Variants in ARHGAP5 observed in about 807,000 individuals in gnomAD.
The protein encoded by ARHGAP5 is Rho GTPase activating protein 5, also known as rho GTPase-activating protein 5.
ARHGAP5 carries 23 observed loss-of-function variants against 116.6 expected under a neutral mutation model. That is an observed-to-expected ratio of 0.20 (90% CI 0.14 to 0.28). ARHGAP5 has a LOEUF of 0.28. Among genes scored for constraint, ARHGAP5 ranks in the 10% least tolerant of loss-of-function variants. The probability of loss-of-function intolerance (pLI) is 1.00; values close to 1 mark genes in which losing one functional copy is unlikely to be tolerated. For synonymous variants in ARHGAP5, 574 were observed against 602.0 expected (o/e 0.95, Z 0.68); for missense variants, 1,405 against 1,774.8 (o/e 0.79, Z 3.74).
intron 1 of ARHGAP5, among the ~76,000 whole-genome samples, chr14:32,080,311 ATTAAATATAAGAAAAATATTTATTAT>A (rs763879160): frequency 1.4e-3 from 216 of 150,422 alleles, no homozygotes; most frequent in Middle Eastern, 6.9e-3. Flanking sequence ...ATTTAACTTA[ATTAAATATAAGAAAAATATTTATTAT>A]TTAAATATAA....
Position 32,154,631 on chromosome 14 carries a change from C to A in ARHGAP5, c.4192C>A (p.Gln1398Lys). 1 of 1,602,786 alleles carries A rather than the reference C, an allele frequency of 6.2e-7. No individual in the cohort carries two copies. Among genetic ancestry groups the A allele is most frequent in the Non-Finnish European group, 8.5e-7 (1 of 1,172,344 alleles). ...CTTTCATAATTTCAGGGTTAGTCAG[C>A]AACATAAAATCAACCTAATGACAGC... ...VITHLNRVSQ[Q>K]HKINLMTADN... is the part of the protein sequence containing the mutation. The change falls in exon 7 of 7, where the codon CAA becomes AAA. Residue 1398 changes from glutamine (Q) to lysine (K), a missense_variant. Transcript: ENST00000345122.
At position 32,127,825 on chromosome 14, in the gene ARHGAP5, C is replaced by T. The variant is rs531792246; in HGVS notation, c.3865+10538C>T. On this transcript the variant is annotated intron_variant, in intron 3 of 6. Coordinates refer to ENST00000345122, the MANE Select transcript of ARHGAP5 (RefSeq NM_001030055.2). Reference sequence around the variant, plus strand: ...CCACCTCCCAGACGGGGTGGCCGGGCGGAGATGCTCCTCACTTCCCAGACG... The same window carrying T: ...CCACCTCCCAGACGGGGTGGCCGGGTGGAGATGCTCCTCACTTCCCAGACG... Among the ~76,000 whole-genome samples the T allele has an allele frequency of 1.4e-3, 210 of 150,242 alleles. 2 individuals are homozygous for T. Among genetic ancestry groups the T allele is most frequent in the Admixed American group, 4.4e-3 (67 of 15,144 alleles).
chr14:32,118,613 C>T (rs1291235603), intron 3 of ARHGAP5, among the ~76,000 whole-genome samples: 1 of 152,130 alleles, frequency 6.6e-6, no homozygotes, highest in Non-Finnish European at 1.5e-5. Flanking sequence ...TGAATATGCT[C>T]TTTATCATTT....
At chr14:32,085,742 A>G (rs2041822714) in intron 1 of ARHGAP5, among the ~76,000 whole-genome samples, 2 of 152,322 alleles carry the variant, frequency 1.3e-5, no homozygotes, top group East Asian at 1.9e-4. Context: ...TCTTGGAAAT[A>G]TAATTTCTTA....
chr14:32,095,021 T>C (rs1878448898), intron 2 of ARHGAP5, among the ~76,000 whole-genome samples: 1 of 152,188 alleles, frequency 6.6e-6, no homozygotes, highest in Non-Finnish European at 1.5e-5. Context: ...TTGACTTTTA[T>C]TAGATATTTT....
intron 3 of ARHGAP5, among the ~76,000 whole-genome samples, chr14:32,127,890 G>GAT (rs1880260470): frequency 6.7e-6 from 1 of 150,108 alleles, no homozygotes; most frequent in African/African-American, 2.5e-5. Flanking sequence ...CTTCTCAGAC[G>GAT]GGGCGGCTGG....
chr14:32,127,741 C>A (rs71417993), intron 3 of ARHGAP5, among the ~76,000 whole-genome samples: 2,074 of 152,004 alleles, frequency 0.014, 23 homozygotes, highest in Non-Finnish European at 0.019. Context: ...ACTTCCCAGA[C>A]GTGGTGGCCA....
rs746548294 is a variant in ARHGAP5 at position 32,093,188 on chromosome 14, T to C, written c.2519T>C (p.Ile840Thr). ...ACAATATTATCATACCACTCTTCAA[T>C]TGGAGTAAGAAAAGATGAACTAGTT... Reference protein sequence around the residue: ...QITILSYHSSIGVRKDELVHG... With the variant: ...QITILSYHSSTGVRKDELVHG... Residue 840 changes from isoleucine to threonine, a missense_variant, in exon 2 of 7, where the codon ATT becomes ACT. Physicochemically the swap from Ile to Thr is moderately conservative, Grantham distance 89. Transcript: ENST00000345122. 17 of 1,613,910 alleles carry C rather than the reference T, an allele frequency of 1.1e-5. No homozygotes were observed. The highest frequency in any genetic ancestry group is 5.0e-5 in the Admixed American group (3 of 59,982).
At chr14:32,107,411 G>A (rs979890495) in intron 2 of ARHGAP5, among the ~76,000 whole-genome samples, 1 of 152,026 alleles carries the variant, frequency 6.6e-6, no homozygotes, top group Non-Finnish European at 1.5e-5. Flanking sequence ...TAAGCCAATA[G>A]TACTTCGTAT....
At chr14:32,100,289 C>T (rs760577751) in intron 2 of ARHGAP5, among the ~76,000 whole-genome samples, 3 of 152,068 alleles carry the variant, frequency 2.0e-5, no homozygotes, top group Non-Finnish European at 4.4e-5. Flanking sequence ...AGTCTCAGAC[C>T]CCTGGGTTCA....
rs905641179 is a variant in ARHGAP5 at position 32,157,866 on chromosome 14, C to T, written c.*2918C>T. 1 of 150,034 alleles carries T rather than the reference C, an allele frequency of 6.7e-6. No individual in the cohort carries two copies. Among genetic ancestry groups the T allele is most frequent in the Non-Finnish European group, 1.5e-5 (1 of 67,328 alleles). The allele number at this position is 150,034 out of a possible 1,614,324, so 9.3% of individuals were successfully genotyped here. A position where few individuals can be genotyped will look rare whatever the true frequency, so the allele number is the denominator to read the frequency against. ...AGGTACTGGAATCTAATTAATATCTCTTAGGTATCAACAAAAGGGAACAAT... is the reference window on the plus strand; with the variant it reads ...AGGTACTGGAATCTAATTAATATCTTTTAGGTATCAACAAAAGGGAACAAT... On this transcript the variant is annotated 3_prime_UTR_variant, in exon 7 of 7. Coordinates refer to ENST00000345122, the MANE Select transcript of ARHGAP5 (RefSeq NM_001030055.2).
intron 2 of ARHGAP5, among the ~76,000 whole-genome samples, chr14:32,110,061 C>T (rs1052722073): frequency 6.6e-6 from 1 of 152,022 alleles, no homozygotes; most frequent in African/African-American, 2.4e-5. Flanking sequence ...AAATTAAGCT[C>T]ATTATTTTAG....
In ARHGAP5 at chr14:32,154,964, A is replaced by T; in HGVS notation, c.*16A>T. 6.2e-7 allele frequency: 1 copy of T among 1,600,768 alleles called. No individual in the cohort carries two copies. The highest frequency in any genetic ancestry group is 8.5e-7 in the Non-Finnish European group (1 of 1,170,870). On this transcript the variant is annotated 3_prime_UTR_variant, in exon 7 of 7. Transcript: ENST00000345122. ...TATTATATGAGTAGGAAGTGATTGC[A>T]AACAGGCTGGATTTGGACAAAAAGC...
At chr14:32,087,283 G>GTA (rs936463272) in intron 1 of ARHGAP5, among the ~76,000 whole-genome samples, 22 of 151,646 alleles carry the variant, frequency 1.5e-4, no homozygotes, top group African/African-American at 4.1e-4. Context: ...TGGATAATTT[G>GTA]TATATATATA....
At chr14:32,136,792 T>C (rs1161988904) in intron 3 of ARHGAP5, among the ~76,000 whole-genome samples, 2 of 152,212 alleles carry the variant, frequency 1.3e-5, no homozygotes, top group African/African-American at 4.8e-5. Flanking sequence ...TTTTAAATTA[T>C]ATGAAGTAAT....
chr14:32,136,248 C>A (rs1197241806), intron 3 of ARHGAP5, among the ~76,000 whole-genome samples: 2 of 152,098 alleles, frequency 1.3e-5, no homozygotes, highest in African/African-American at 4.8e-5. Flanking sequence ...TTAATTGCTC[C>A]AAAAGGAGAT....
Position 32,094,075 on chromosome 14 carries a change from G to T in ARHGAP5, c.3406G>T (p.Gly1136Trp). The T allele has an allele frequency of 6.2e-7, 1 of 1,613,998 alleles. No homozygotes were observed. Among genetic ancestry groups the T allele is most frequent in the East Asian group, 2.2e-5 (1 of 44,872 alleles). The change falls in exon 2 of 7, where the codon GGG (glycine) becomes TGG (tryptophan). Residue 1136 changes from glycine (G) to tryptophan (W), a missense_variant. Gly to Trp is a radical substitution (Grantham distance 184, BLOSUM62 -2). Coordinates refer to ENST00000345122, the MANE Select transcript of ARHGAP5 (RefSeq NM_001030055.2). Reference sequence around the variant, plus strand: ...TAACACCCAAGGAGATGAAGAAAATGGGTTTTCTGATAGAACCTCAAAAAG... The same window carrying T: ...TAACACCCAAGGAGATGAAGAAAATTGGTTTTCTGATAGAACCTCAAAAAG... ...VNNTQGDEEN[G>W]FSDRTSKSHG...
intron 3 of ARHGAP5, among the ~76,000 whole-genome samples, chr14:32,138,800 A>G (rs1247941466): frequency 6.6e-6 from 1 of 152,226 alleles, no homozygotes; most frequent in Non-Finnish European, 1.5e-5. Context: ...TTCTTTCACC[A>G]TATTTCATCA....
intron 1 of ARHGAP5, among the ~76,000 whole-genome samples, chr14:32,086,613 T>C (rs1425716442): frequency 1.3e-5 from 2 of 151,760 alleles, no homozygotes; most frequent in Non-Finnish European, 2.9e-5. Context: ...ATATATACCT[T>C]TTATTAATGA....
Sources: allele counts gnomAD v4.1 joint callset (sites outside exome capture counted in the v4.1 genomes callset), GRCh38; gene constraint gnomAD v4.1.1; transcripts MANE v1.5; gene names NCBI Gene and HGNC (gene_info 2026-07-23, HGNC 2026-07-21).